Variants in RAB6B observed in about 807,000 individuals in gnomAD.
RAB6B encodes the protein RAB6B, member RAS oncogene family.
RAB6B carries 7 observed loss-of-function variants against 31.2 expected under a neutral mutation model. The ratio of observed to expected loss-of-function variants is 0.22; its 90% CI spans 0.13 to 0.42. The LOEUF is 0.42. Among genes scored for constraint, RAB6B ranks in the 10% least tolerant of loss-of-function variants. The pLI, the probability that RAB6B is intolerant of heterozygous loss-of-function variation, is 1.00. For synonymous variants in RAB6B, 105 were observed against 104.9 expected, an observed-to-expected ratio of 1.00 and a Z score of -0.01; for missense variants, 149 against 280.6, an observed-to-expected ratio of 0.53 and a Z score of 3.35.
intron 2 of RAB6B, among the ~76,000 whole-genome samples, chr3:133,854,503 T>C (rs1306149964): frequency 6.6e-6 from 1 of 152,254 alleles, no homozygotes; most frequent in Non-Finnish European, 1.5e-5. Flanking sequence ...CACTGCACCA[T>C]GTCCTCTCAG....
At chr3:133,874,944 G>A (rs957486764) in intron 1 of RAB6B, among the ~76,000 whole-genome samples, 1 of 152,130 alleles carries the variant, frequency 6.6e-6, no homozygotes, top group African/African-American at 2.4e-5. Context: ...TTCAAGGGCA[G>A]TAACACACAC....
intron 2 of RAB6B, among the ~76,000 whole-genome samples, chr3:133,851,771 C>G (rs1377234663): frequency 1.3e-5 from 2 of 152,194 alleles, no homozygotes; most frequent in East Asian, 3.9e-4. Flanking sequence ...GGTCCCATAG[C>G]AAGTCAGCGA....
chr3:133,858,365 A>G (rs1198189725), intron 2 of RAB6B, among the ~76,000 whole-genome samples: 1 of 152,254 alleles, frequency 6.6e-6, no homozygotes, highest in Non-Finnish European at 1.5e-5. Context: ...TTTTAAAGGA[A>G]GAGACCTGTA....
chr3:133,882,811 T>C (rs1011424535), intron 1 of RAB6B, among the ~76,000 whole-genome samples: 3 of 152,190 alleles, frequency 2.0e-5, no homozygotes, highest in African/African-American at 7.2e-5. Flanking sequence ...TGGGGTGCTA[T>C]CCTCTTCTGA....
At chr3:133,863,196 A>G (rs1321928255) in intron 2 of RAB6B, among the ~76,000 whole-genome samples, 1 of 152,212 alleles carries the variant, frequency 6.6e-6, no homozygotes, top group African/African-American at 2.4e-5. Context: ...GTCAATTCCT[A>G]TGGTCAGTTT....
intron 7 of RAB6B, 93 bp downstream of exon 7, chr3:133,834,482 G>C: frequency 1.5e-6 from 2 of 1,363,654 alleles, no homozygotes; most frequent in Non-Finnish European, 2.1e-6. Context: ...GCTGGGCGGG[G>C]ACTGGGCGAG....
chr3:133,833,716 G>T (rs552211191), intron 7 of RAB6B, among the ~76,000 whole-genome samples: 26 of 152,342 alleles, frequency 1.7e-4, no homozygotes, highest in African/African-American at 6.0e-4. Context: ...GATCAGTGGG[G>T]GATGTTGGAG....
chr3:133,868,222 G>A lies in RAB6B; in HGVS notation c.71-3580C>T, dbSNP rs577761294. Reference sequence around the variant, plus strand: ...CACCTGCCCTCAACAACTGCCCGGGGTGGAAGGTGCTAGAACCTGCAAATG... The same window carrying A: ...CACCTGCCCTCAACAACTGCCCGGGATGGAAGGTGCTAGAACCTGCAAATG... On this transcript the variant is annotated intron_variant, in intron 1 of 7. Transcript: ENST00000285208. Among the ~76,000 whole-genome samples the A allele has an allele frequency of 5.9e-5, 9 of 152,310 alleles. No homozygotes were observed. In the East Asian group the frequency reaches 1.7e-3, roughly 29 times the overall value.
intron 2 of RAB6B, among the ~76,000 whole-genome samples, chr3:133,844,387 C>A (rs1023556793): frequency 6.6e-6 from 1 of 152,214 alleles, no homozygotes; most frequent in African/African-American, 2.4e-5. Context: ...CTCTCTCAGA[C>A]CTGTTCTAGC....
rs1024529609 is a variant in RAB6B, at chr3:133,835,650, C to A, written c.496-1009G>T. Among the ~76,000 whole-genome samples the A allele has an allele frequency of 2.0e-5, 3 of 152,026 alleles. No homozygotes were observed. In the East Asian group the frequency reaches 5.8e-4, roughly 29 times the overall value. ...TAGGTTCTGAATGCCGGTCCCCCTG[C>A]AAATTCCTATGTTGAAACAGAATCT... On this transcript the variant is annotated intron_variant, in intron 6 of 7. Transcript: ENST00000285208.
intron 7 of RAB6B, 126 bp from the exon 8 acceptor site, chr3:133,828,978 T>C (rs1935616987): frequency 2.2e-6 from 2 of 916,636 alleles, no homozygotes; most frequent in South Asian, 3.5e-5. Context: ...TGGCTCTTGG[T>C]TTGGCTGGGC....
Position 133,880,806 on chromosome 3 carries a change from C to T in RAB6B, c.70+14591G>A, listed in dbSNP as rs561505795. 2.6e-5 allele frequency among the ~76,000 whole-genome samples: 4 copies of T among 152,334 alleles called. No individual in the cohort carries two copies. The East Asian group carries it at 5.8e-4, about 22-fold the overall frequency. On this transcript the variant is annotated intron_variant, in intron 1 of 7. Transcript: ENST00000285208. ...ACAAGGGGCAGAGTGAACTTCTAGA[C>T]CTCTCATTCAGTCAACAGAAAGAAC...
rs1245347472 is a variant in RAB6B, at chr3:133,824,848, TCACATTTGTTCA to T, written c.*3928_*3939del. 2.0e-5 allele frequency: 3 copies of T among 151,656 alleles called. No individual in the cohort carries two copies. The highest frequency in any genetic ancestry group is 4.4e-5 in the Non-Finnish European group (3 of 67,908). 9.4% of individuals were successfully genotyped at this position (151,656 alleles called of 1,614,324 possible). A position where few individuals can be genotyped will look rare whatever the true frequency, so the allele number is the denominator to read the frequency against. On this transcript the variant is annotated 3_prime_UTR_variant, in exon 8 of 8. Transcript: ENST00000285208. ...TCCTTGCTGTGTAATAAATATGGAG[TCACATTTGTTCA>T]CACACAGGGCAGCAATGGATGAAAA...
chr3:133,837,966 G>C (rs550442455), intron 6 of RAB6B, among the ~76,000 whole-genome samples, 200 bp downstream of exon 6: 7 of 152,190 alleles, frequency 4.6e-5, no homozygotes, highest in Non-Finnish European at 1.0e-4. Flanking sequence ...GCCATGCCCG[G>C]AGTGGTCCCT....
At position 133,826,806 on chromosome 3, in the gene RAB6B, C is replaced by T. The variant is rs1935571885; in HGVS notation, c.*1982G>A. 6.6e-6 allele frequency: 1 copy of T among 152,660 alleles called. No individual in the cohort carries two copies. Among genetic ancestry groups the T allele is most frequent in the Non-Finnish European group, 1.5e-5 (1 of 68,042 alleles). The allele number at this position is 152,660 out of a possible 1,614,324, so 9.5% of individuals were successfully genotyped here. On this transcript the variant is annotated 3_prime_UTR_variant, in exon 8 of 8. Coordinates refer to ENST00000285208, the MANE Select transcript of RAB6B (RefSeq NM_016577.4). ...TTTCTTATTTCAACACGTTGCAGTA[C>T]TTTTGAATTTCCAAAACTTATCACA...
chr3:133,891,232 G>C (rs1290411525), intron 1 of RAB6B, among the ~76,000 whole-genome samples: 1 of 152,200 alleles, frequency 6.6e-6, no homozygotes, highest in Non-Finnish European at 1.5e-5. Flanking sequence ...GGAATGGGCT[G>C]AAAGTACAGG....
Position 133,858,208 on chromosome 3 carries a change from G to A in RAB6B, c.129+6376C>T, listed in dbSNP as rs138933466. Among the ~76,000 whole-genome samples the A allele has an allele frequency of 3.3e-5, 5 of 152,308 alleles. No homozygotes were observed. The East Asian group carries it at 5.8e-4, about 18-fold the overall frequency. On this transcript the variant is annotated intron_variant, in intron 2 of 7. Transcript: ENST00000285208. Reference sequence around the variant, plus strand: ...ACGAGGGGCACAGAGCCCAGTGCCCGTAAGACACTTAAGGGCCAAGGAAAA... The same window carrying A: ...ACGAGGGGCACAGAGCCCAGTGCCCATAAGACACTTAAGGGCCAAGGAAAA...
In RAB6B at chr3:133,891,172, C is replaced by G. The variant is rs562921814; in HGVS notation, c.70+4225G>C. ...GTCAGGCTGCGGGCAGAGGAGTGAG[C>G]CTTCCAGGCAGTGGGGGCCACTGAA... is the stretch of plus-strand genomic sequence containing the variant. On this transcript the variant is annotated intron_variant, in intron 1 of 7. Coordinates refer to ENST00000285208, the MANE Select transcript of RAB6B (RefSeq NM_016577.4). Among the ~76,000 whole-genome samples, 4 of 152,220 alleles carry G rather than the reference C, an allele frequency of 2.6e-5. No homozygotes were observed. In the South Asian group the frequency reaches 8.3e-4, roughly 32 times the overall value.
chr3:133,892,891 G>C (rs917025154), intron 1 of RAB6B, among the ~76,000 whole-genome samples: 3 of 152,234 alleles, frequency 2.0e-5, no homozygotes, highest in African/African-American at 4.8e-5. Context: ...AGAAGCGGCT[G>C]TGGAGGTGAC....
Sources: gnomAD v4.1 joint callset for allele counts (sites outside exome capture counted in the v4.1 genomes callset) on GRCh38, gnomAD v4.1.1 for gene constraint, MANE v1.5 for transcripts, NCBI Gene and HGNC (gene_info 2026-07-23, HGNC 2026-07-21) for gene names.